HDAC9: variants seen among roughly 807,000 people sequenced by gnomAD.
HDAC9 encodes MEF-2 interacting transcription repressor (MITR) protein.
In HDAC9, 41 loss-of-function variants were observed where a neutral mutation model predicts 139.4. The ratio of observed to expected loss-of-function variants is 0.29; its 90% CI spans 0.23 to 0.38. HDAC9 has a LOEUF of 0.38. Among genes scored for constraint, HDAC9 ranks in the 10% least tolerant of loss-of-function variants. The pLI is 1.00. For synonymous variants in HDAC9, 517 were observed against 476.2 expected (o/e 1.09, Z -1.12); for missense variants, 1,147 against 1,297.0 (o/e 0.88, Z 1.78).
At chr7:18,671,547 C>G (rs534299809) in intron 12 of HDAC9, among the ~76,000 whole-genome samples, 30 of 151,962 alleles carry the variant, frequency 2.0e-4, no homozygotes, top group African/African-American at 6.5e-4. Context: ...ATATTGTTCT[C>G]GGCTTCTTCT....
intron 12 of HDAC9, among the ~76,000 whole-genome samples, chr7:18,699,739 C>T (rs1196472986): frequency 6.6e-6 from 1 of 151,974 alleles, no homozygotes; most frequent in Non-Finnish European, 1.5e-5. Flanking sequence ...CCATTGATTC[C>T]AGTTTATGCT....
chr7:18,575,831 T>C (rs536600311), intron 2 of HDAC9, among the ~76,000 whole-genome samples: 58 of 152,202 alleles, frequency 3.8e-4, no homozygotes, highest in Non-Finnish European at 6.9e-4. Context: ...ATCTTGTGAC[T>C]ATTATTCATT....
chr7:18,645,173 C>T lies in HDAC9; in HGVS notation c.1035+380C>T, dbSNP rs187232591. On this transcript the variant is annotated intron_variant, in intron 9 of 25. Coordinates refer to ENST00000686413, the MANE Select transcript of HDAC9 (RefSeq NM_178425.4). Reference sequence around the variant, plus strand: ...GTTTCAAAGCACAAGATCACAGAGCCAGTAAGTGGCAGACCTGGAACACAA... The same window carrying T: ...GTTTCAAAGCACAAGATCACAGAGCTAGTAAGTGGCAGACCTGGAACACAA... 3.7e-3 allele frequency among the ~76,000 whole-genome samples: 567 copies of T among 152,182 alleles called. 1 individual carries two copies. The highest frequency in any genetic ancestry group is 0.013 in the African/African-American group (543 of 41,546).
chr7:18,524,512 A>G (rs554963284), intron 2 of HDAC9, among the ~76,000 whole-genome samples: 1 of 152,156 alleles, frequency 6.6e-6, no homozygotes, highest in Non-Finnish European at 1.5e-5. Flanking sequence ...AACATGTACA[A>G]AAGTTGGATT....
chr7:18,347,449 A>G (rs148950952), intron 1 of HDAC9, among the ~76,000 whole-genome samples: 2 of 152,302 alleles, frequency 1.3e-5, no homozygotes, highest in African/African-American at 2.4e-5. Context: ...CCTTACTTAG[A>G]CATTTGCTTA....
chr7:18,798,029 G>A (rs967423389), intron 17 of HDAC9, among the ~76,000 whole-genome samples: 1 of 151,422 alleles, frequency 6.6e-6, no homozygotes, highest in Non-Finnish European at 1.5e-5. Context: ...TATTCCCTTT[G>A]CACCATAATT....
intron 1 of HDAC9, among the ~76,000 whole-genome samples, chr7:18,356,310 A>G (rs1343055703): frequency 6.8e-6 from 1 of 146,176 alleles, no homozygotes; most frequent in Non-Finnish European, 1.5e-5. Flanking sequence ...TTCAGTTTTT[A>G]ATAGGTGGCG....
At chr7:18,678,842 T>G (rs918697126) in intron 12 of HDAC9, among the ~76,000 whole-genome samples, 4 of 152,006 alleles carry the variant, frequency 2.6e-5, no homozygotes, top group Admixed American at 2.0e-4. Flanking sequence ...TTAAATTTGC[T>G]GTCTTTCTTT....
chr7:18,806,047 ATGAGGC>A, intron 17 of HDAC9, among the ~76,000 whole-genome samples: 1 of 152,306 alleles, frequency 6.6e-6, no homozygotes, highest in Admixed American at 6.5e-5. Context: ...AAGGTTTTCA[ATGAGGC>A]TGAACTGGAC....
intron 17 of HDAC9, among the ~76,000 whole-genome samples, chr7:18,817,138 C>G (rs2129195725): frequency 6.6e-6 from 1 of 151,946 alleles, no homozygotes; most frequent in Non-Finnish European, 1.5e-5. Flanking sequence ...GGGTTCACGC[C>G]ATTCTTCTGC....
At chr7:18,967,276 G>A (rs1783922818) in intron 24 of HDAC9, among the ~76,000 whole-genome samples, 1 of 152,098 alleles carries the variant, frequency 6.6e-6, no homozygotes, top group Non-Finnish European at 1.5e-5. Flanking sequence ...AAATGACTAC[G>A]ATTAAAAATT....
intron 16 of HDAC9, among the ~76,000 whole-genome samples, chr7:18,778,143 C>A (rs777179789): frequency 3.3e-5 from 5 of 151,858 alleles, no homozygotes; most frequent in Non-Finnish European, 7.4e-5. Flanking sequence ...TAATTTCAAC[C>A]TCATATGATT....
At chr7:18,629,601 G>A (rs1381937485) in intron 7 of HDAC9, 120 bp downstream of exon 7, 7 of 992,606 alleles carry the variant, frequency 7.1e-6, no homozygotes, top group African/African-American at 1.7e-5. Flanking sequence ...TTCTTGAAAG[G>A]AAATTATATT....
At chr7:18,845,807 G>A (rs557294389) in intron 21 of HDAC9, among the ~76,000 whole-genome samples, 1 of 152,192 alleles carries the variant, frequency 6.6e-6, no homozygotes, top group African/African-American at 2.4e-5. Context: ...GGCTAGAAGA[G>A]CTAGGAGTCT....
At chr7:18,283,988 C>A (rs1797271645) in intron 2 of HDAC9, among the ~76,000 whole-genome samples, 1 of 152,144 alleles carries the variant, frequency 6.6e-6, no homozygotes, top group Non-Finnish European at 1.5e-5. Context: ...GAAGTTAAAC[C>A]AATGTGTTTA....
At chr7:18,363,395 A>T (rs1220343077) in intron 1 of HDAC9, among the ~76,000 whole-genome samples, 2 of 152,194 alleles carry the variant, frequency 1.3e-5, no homozygotes, top group African/African-American at 4.8e-5. Context: ...TCCTAGAGAA[A>T]GAACTGGCAC....
At chr7:18,499,136 A>G (rs1481649293) in intron 2 of HDAC9, among the ~76,000 whole-genome samples, 1 of 151,904 alleles carries the variant, frequency 6.6e-6, no homozygotes, top group East Asian at 1.9e-4. Context: ...AATAAAGGCA[A>G]AGAAGTTGCA....
chr7:18,764,496 T>C (rs1270584708), intron 15 of HDAC9, among the ~76,000 whole-genome samples: 1 of 152,186 alleles, frequency 6.6e-6, no homozygotes, highest in African/African-American at 2.4e-5. Flanking sequence ...CCCTAGTGTA[T>C]CCAAAAGTTT....
chr7:18,186,749 A>G (rs1426072869), intron 2 of HDAC9, among the ~76,000 whole-genome samples: 1 of 152,228 alleles, frequency 6.6e-6, no homozygotes, highest in African/African-American at 2.4e-5. Context: ...ATTGAATTCC[A>G]TACTTCAAAG....
Sources: gnomAD v4.1 joint callset for allele counts (sites outside exome capture counted in the v4.1 genomes callset) on GRCh38, gnomAD v4.1.1 for gene constraint, MANE v1.5 for transcripts, NCBI Gene and HGNC (gene_info 2026-07-23, HGNC 2026-07-21) for gene names.